The following PCDH15 variants were observed in gnomAD, a reference collection of about 807,000 sequenced individuals.
The protein encoded by PCDH15 is protocadherin-15.
PCDH15 carries 129 observed loss-of-function variants against 178.5 expected under a neutral mutation model. The ratio of observed to expected loss-of-function variants is 0.72; its 90% CI spans 0.63 to 0.84. PCDH15 has a LOEUF of 0.84. Among genes scored for constraint, PCDH15 ranks in the 40% least tolerant of loss-of-function variants. The probability of loss-of-function intolerance (pLI) is 0.00; values close to 1 mark genes in which losing one functional copy is unlikely to be tolerated. For synonymous variants in PCDH15, 800 were observed against 732.0 expected (o/e 1.09, Z -1.50); for missense variants, 2,230 against 2,099.9 (o/e 1.06, Z -1.21).
chr10:54,094,010 G>A (rs1316110312), intron 15 of PCDH15, among the ~76,000 whole-genome samples: 1 of 152,156 alleles, frequency 6.6e-6, no homozygotes, highest in Non-Finnish European at 1.5e-5. Flanking sequence ...AAGTATGACA[G>A]CAGTTATCTT....
At chr10:54,164,924 C>G (rs2046068698) in intron 13 of PCDH15, among the ~76,000 whole-genome samples, 1 of 152,166 alleles carries the variant, frequency 6.6e-6, no homozygotes, top group Non-Finnish European at 1.5e-5. Flanking sequence ...GTAAGGTCTA[C>G]TGGGTCTCTC....
chr10:55,027,383 C>T (rs4382810), intron 2 of PCDH15, among the ~76,000 whole-genome samples: 86,272 of 151,404 alleles, frequency 0.57, 24,902 homozygotes, highest in East Asian at 0.75. Context: ...TCTACTTTCT[C>T]TTCTGAGACA....
In PCDH15 at chr10:55,224,100, C is replaced by T. The variant is rs558249330; in HGVS notation, c.-155-57449G>A. ...AGCCCTATTTCAGCCCCTTGGGAGG[C>T]TGAGGCAAGGAGATCATTTGAGCCC... On this transcript the variant is annotated intron_variant, in intron 1 of 5. Transcript: ENST00000458638. Among the ~76,000 whole-genome samples, 89 of 152,162 alleles carry T rather than the reference C, an allele frequency of 5.8e-4. 3 individuals carry two copies. The South Asian group carries it at 0.018, about 30-fold the overall frequency.
At chr10:55,195,549 C>T (rs190226804) in intron 1 of PCDH15, among the ~76,000 whole-genome samples, 119 of 149,060 alleles carry the variant, frequency 8.0e-4, no homozygotes, top group African/African-American at 2.8e-3. Context: ...CCAGCTACTC[C>T]GGAGGCTGAG....
chr10:54,092,365 A>G (rs979964467), intron 15 of PCDH15, among the ~76,000 whole-genome samples: 1 of 152,212 alleles, frequency 6.6e-6, no homozygotes, highest in African/African-American at 2.4e-5. Flanking sequence ...TTTTCAATTC[A>G]GCAGACAAAA....
At chr10:54,005,978 A>G (rs188289399) in intron 20 of PCDH15, among the ~76,000 whole-genome samples, 21 of 152,262 alleles carry the variant, frequency 1.4e-4, no homozygotes, top group Non-Finnish European at 2.5e-4. Flanking sequence ...ATTTAACCAT[A>G]AAGAAGAATG....
At position 54,760,608 on chromosome 10, in the gene PCDH15, T is replaced by C. The variant is rs866053163; in HGVS notation, c.-29+40317A>G. Among the ~76,000 whole-genome samples, 15 of 152,328 alleles carry C rather than the reference T, an allele frequency of 9.8e-5. No individual in the cohort carries two copies. In the Middle Eastern group the frequency reaches 0.02, roughly 207 times the overall value. On this transcript the variant is annotated intron_variant, in intron 1 of 37. Transcript: ENST00000644397. ...GCAGTGTTTGATGATGTTGGCACTC[T>C]TGATCATTTTCTGTTTTTGAAGTTA...
chr10:54,460,855 G>A (rs1159126754), intron 3 of PCDH15, among the ~76,000 whole-genome samples: 1 of 152,182 alleles, frequency 6.6e-6, no homozygotes, highest in East Asian at 1.9e-4. Context: ...GTGGGAGAGT[G>A]TTAAATAGCC....
At chr10:54,736,807 G>T (rs1459009850) in intron 1 of PCDH15, among the ~76,000 whole-genome samples, 8 of 152,048 alleles carry the variant, frequency 5.3e-5, no homozygotes, top group African/African-American at 1.9e-4. Context: ...AGAGAATAGG[G>T]TGTGAGGGAA....
At chr10:55,515,520 C>T (rs1840992132) in intron 2 of PCDH15, among the ~76,000 whole-genome samples, 1 of 151,576 alleles carries the variant, frequency 6.6e-6, no homozygotes, top group Non-Finnish European at 1.5e-5. Flanking sequence ...TTTCATTAAA[C>T]TATGCTATTT....
intron 2 of PCDH15, among the ~76,000 whole-genome samples, chr10:55,473,984 A>C (rs1840014844): frequency 1.3e-5 from 2 of 152,058 alleles, no homozygotes; most frequent in Admixed American, 1.3e-4. Flanking sequence ...AAACTAAATC[A>C]CTCTAATGGT....
In PCDH15 at chr10:54,195,708, A is replaced by G. The variant is rs142698812; in HGVS notation, c.1280T>C (p.Val427Ala). Reference protein sequence around the residue: ...SLNLTSPLRIVALDKDIEDTK... With the variant: ...SLNLTSPLRIAALDKDIEDTK... ...ATCTTCTATGTCCTTGTCCAGAGCT[A>G]CTATTCTTAAAGGTGAAGTCAAATT... The change falls in exon 11 of 38, where the codon GTA becomes GCA. Residue 427 changes from valine to alanine, a missense_variant. Val to Ala is a moderately conservative substitution (Grantham distance 64). Coordinates refer to ENST00000644397, the MANE Select transcript of PCDH15 (RefSeq NM_001384140.1). The G allele has an allele frequency of 2.7e-5, 44 of 1,613,860 alleles. No individual in the cohort carries two copies. Among genetic ancestry groups the G allele is most frequent in the Non-Finnish European group, 3.1e-5 (37 of 1,179,886 alleles).
intron 2 of PCDH15, among the ~76,000 whole-genome samples, chr10:54,642,433 T>G (rs1482887256): frequency 6.6e-6 from 1 of 152,202 alleles, no homozygotes; most frequent in Non-Finnish European, 1.5e-5. Context: ...CGCTTACTTC[T>G]GGTCATGGAG....
At chr10:53,817,287 C>G (rs886589763) in intron 34 of PCDH15, among the ~76,000 whole-genome samples, 2 of 152,096 alleles carry the variant, frequency 1.3e-5, no homozygotes, top group Non-Finnish European at 2.9e-5. Context: ...GGTAACATCA[C>G]CTGCAGTACA....
intron 18 of PCDH15, among the ~76,000 whole-genome samples, chr10:54,056,040 C>T (rs908123488): frequency 1.3e-5 from 2 of 152,182 alleles, no homozygotes; most frequent in Non-Finnish European, 2.9e-5. Context: ...CCCAGGAAAT[C>T]CTTCAATTCT....
chr10:54,582,135 G>T (rs1047446142), intron 2 of PCDH15, among the ~76,000 whole-genome samples: 1 of 152,034 alleles, frequency 6.6e-6, no homozygotes, highest in Admixed American at 6.6e-5. Flanking sequence ...GATCAACAGA[G>T]TAAATAGATA....
intron 28 of PCDH15, among the ~76,000 whole-genome samples, chr10:53,849,750 G>A (rs1184967406): frequency 6.7e-6 from 1 of 149,424 alleles, no homozygotes; most frequent in Non-Finnish European, 1.5e-5. Flanking sequence ...TGTAGTCCCA[G>A]CAATTCAGGA....
intron 21 of PCDH15, among the ~76,000 whole-genome samples, chr10:53,986,142 G>C (rs2091082843): frequency 6.6e-6 from 1 of 151,782 alleles, no homozygotes; most frequent in African/African-American, 2.4e-5. Context: ...TAAGAAATGG[G>C]TAAAGGATTT....
At chr10:54,681,086 C>T (rs932699034) in intron 1 of PCDH15, among the ~76,000 whole-genome samples, 15 of 151,968 alleles carry the variant, frequency 9.9e-5, no homozygotes, top group African/African-American at 3.6e-4. Context: ...GCAAATAGGC[C>T]AGATTAATAA....
Sources: gnomAD v4.1 joint callset for allele counts (sites outside exome capture counted in the v4.1 genomes callset) on GRCh38, gnomAD v4.1.1 for gene constraint, MANE v1.5 for transcripts, NCBI Gene and HGNC (gene_info 2026-07-23, HGNC 2026-07-21) for gene names.